Variants in PEAK1 observed in about 807,000 individuals in gnomAD.
PEAK1 encodes the protein pseudopodium enriched atypical kinase 1.
A neutral mutation model predicts 124.7 loss-of-function variants in PEAK1; 54 were observed. The observed-to-expected ratio is 0.43, with a 90% confidence interval of 0.35 to 0.54. The LOEUF is 0.54. Among genes scored for constraint, PEAK1 ranks in the 20% least tolerant of loss-of-function variants. PEAK1 has a pLI of 0.01. For synonymous variants in PEAK1, 719 were observed against 760.0 expected (o/e 0.95, Z 0.89); for missense variants, 2,046 against 2,134.5 (o/e 0.96, Z 0.82).
intron 2 of PEAK1, chr15:77,331,162 C>T (rs1180508969): frequency 7.4e-6 from 3 of 402,718 alleles, no homozygotes; most frequent in Non-Finnish European, 6.7e-6. Flanking sequence ...CGAAGTCTTG[C>T]TCTGCTGCCC....
intron 8 of PEAK1, chr15:77,157,948 T>TA (rs1445565905): frequency 3.3e-5 from 5 of 152,766 alleles, no homozygotes; most frequent in Non-Finnish European, 5.8e-5. Flanking sequence ...CTCACTAACA[T>TA]AAACAGCAAA....
chr15:77,333,876 TTTAAAC>T (rs1366689128), intron 2 of PEAK1: 1 of 502,564 alleles, frequency 2.0e-6, no homozygotes, highest in Non-Finnish European at 2.6e-6. Flanking sequence ...AAAATTTTCT[TTTAAAC>T]TTATTCTACA....
intron 1 of PEAK1, among the ~76,000 whole-genome samples, chr15:77,400,826 A>G (rs539264975): frequency 2.0e-5 from 3 of 152,252 alleles, no homozygotes; most frequent in African/African-American, 4.8e-5. Flanking sequence ...TAAATAGAAA[A>G]ATATTGAAGG....
chr15:77,262,062 G>C (rs574049404), intron 5 of PEAK1, among the ~76,000 whole-genome samples: 1 of 152,132 alleles, frequency 6.6e-6, no homozygotes, highest in Non-Finnish European at 1.5e-5. Flanking sequence ...CAAATGCTGA[G>C]AGATTTTGTC....
At chr15:77,118,977 A>T (rs1215411554) in intron 9 of PEAK1, among the ~76,000 whole-genome samples, 1 of 81,504 alleles carries the variant, frequency 1.2e-5, no homozygotes, top group Non-Finnish European at 3.6e-5. Flanking sequence ...CAGTGACACT[A>T]GAGGGAGCTG....
chr15:77,347,996 T>C, intron 2 of PEAK1: 1 of 985,186 alleles, frequency 1.0e-6, no homozygotes, highest in South Asian at 4.7e-5. Flanking sequence ...AGACATTTTG[T>C]AATAGTGCTA....
At chr15:77,188,590 T>C (rs1445779857) in intron 6 of PEAK1, among the ~76,000 whole-genome samples, 1 of 152,148 alleles carries the variant, frequency 6.6e-6, no homozygotes, top group Non-Finnish European at 1.5e-5. Context: ...CATAGTCTTT[T>C]ATAGTTTTAT....
At chr15:77,310,898 A>C (rs751321629) in intron 2 of PEAK1, among the ~76,000 whole-genome samples, 1 of 152,214 alleles carries the variant, frequency 6.6e-6, no homozygotes, top group Non-Finnish European at 1.5e-5. Flanking sequence ...TAAACAAACA[A>C]ACAAAAACCC....
At chr15:77,231,991 T>C (rs2059928085) in intron 6 of PEAK1, among the ~76,000 whole-genome samples, 1 of 152,166 alleles carries the variant, frequency 6.6e-6, no homozygotes. Context: ...ATACTACTAT[T>C]ATGACCCAAA....
chr15:77,363,503 C>A (rs2068032357), intron 2 of PEAK1, among the ~76,000 whole-genome samples: 1 of 152,176 alleles, frequency 6.6e-6, no homozygotes, highest in Admixed American at 6.5e-5. Flanking sequence ...CTCCAACCCA[C>A]CCCAGATCTA....
intron 6 of PEAK1, among the ~76,000 whole-genome samples, chr15:77,197,905 G>A (rs553948186): frequency 4.0e-5 from 6 of 151,770 alleles, no homozygotes; most frequent in East Asian, 3.9e-4. Flanking sequence ...GATAAAACTC[G>A]CAGACAAACC....
At chr15:77,415,444 A>G (rs1470493633) in intron 1 of PEAK1, among the ~76,000 whole-genome samples, 1 of 152,084 alleles carries the variant, frequency 6.6e-6, no homozygotes, top group African/African-American at 2.4e-5. Flanking sequence ...GTGTTTTTTA[A>G]GAGATAGGGT....
At chr15:77,330,670 C>T (rs1240121511) in intron 2 of PEAK1, among the ~76,000 whole-genome samples, 4 of 152,176 alleles carry the variant, frequency 2.6e-5, no homozygotes, top group Non-Finnish European at 5.9e-5. Context: ...TGCTCTCTTC[C>T]TCCCTAACTT....
intron 2 of PEAK1, among the ~76,000 whole-genome samples, chr15:77,342,405 CT>C (rs35640042): frequency 0.54 from 61,866 of 114,198 alleles, 15,501 homozygotes; most frequent in Non-Finnish European, 0.65. Context: ...TACAGCATGT[CT>C]TTTTTTTTTT....
intron 2 of PEAK1, among the ~76,000 whole-genome samples, chr15:77,318,563 C>A (rs1202060548): frequency 6.6e-6 from 1 of 151,944 alleles, no homozygotes; most frequent in Non-Finnish European, 1.5e-5. Flanking sequence ...AAGCTTCTCA[C>A]TGGAGGTATG....
chr15:77,254,070 T>C (rs1413891980), intron 5 of PEAK1, among the ~76,000 whole-genome samples: 1 of 152,216 alleles, frequency 6.6e-6, no homozygotes, highest in Non-Finnish European at 1.5e-5. Flanking sequence ...TCCACCTGCC[T>C]TGGCCTCCCA....
At chr15:77,279,837 G>C (rs2062564818) in intron 5 of PEAK1, among the ~76,000 whole-genome samples, 2 of 152,094 alleles carry the variant, frequency 1.3e-5, no homozygotes, top group African/African-American at 2.4e-5. Context: ...ATACAGTTTA[G>C]CTAGGAAAAA....
At chr15:77,136,913 A>T (rs1249936950) in intron 8 of PEAK1, among the ~76,000 whole-genome samples, 1 of 152,196 alleles carries the variant, frequency 6.6e-6, no homozygotes, top group Admixed American at 6.5e-5. Context: ...GGCCTAGGAG[A>T]AAAAAGTAGT....
At chr15:77,283,047 T>C (rs1038353688) in intron 5 of PEAK1, among the ~76,000 whole-genome samples, 1 of 152,014 alleles carries the variant, frequency 6.6e-6, no homozygotes, top group African/African-American at 2.4e-5. Flanking sequence ...GGCATGAAAA[T>C]GGGTACGCAA....
Sources: allele counts gnomAD v4.1 joint callset (sites outside exome capture counted in the v4.1 genomes callset), GRCh38; gene constraint gnomAD v4.1.1; transcripts MANE v1.5; gene names NCBI Gene and HGNC (gene_info 2026-07-23, HGNC 2026-07-21).